APLF: variants seen among roughly 807,000 people sequenced by gnomAD.
APLF encodes aprataxin and PNKP like factor, also known as aprataxin and PNK-like factor.
In APLF, 61 loss-of-function variants were observed where a neutral mutation model predicts 55.6. The ratio of observed to expected loss-of-function variants is 1.10; its 90% CI spans 0.89 to 1.36. The LOEUF is 1.36. APLF is among the 40% of genes most tolerant of loss of function. The pLI is 0.00. For missense variants in APLF, 611 were observed against 602.5 expected (o/e 1.01, Z -0.15); for synonymous variants, 207 against 214.8 (o/e 0.96, Z 0.32).
At chr2:68,501,650 G>T (rs1203335047) in intron 2 of APLF, among the ~76,000 whole-genome samples, 1 of 152,064 alleles carries the variant, frequency 6.6e-6, no homozygotes, top group Non-Finnish European at 1.5e-5. Context: ...GGAAATAGTG[G>T]CAAACATAAT....
At chr2:68,497,241 A>G (rs1374524454) in intron 2 of APLF, among the ~76,000 whole-genome samples, 1 of 152,150 alleles carries the variant, frequency 6.6e-6, no homozygotes, top group East Asian at 1.9e-4. Flanking sequence ...TGAAAGCAGG[A>G]GCAAGCGAGA....
In APLF at chr2:68,544,790, G is replaced by A. The variant is rs556799260; in HGVS notation, c.1161-397G>A. Among the ~76,000 whole-genome samples, 10 of 152,170 alleles carry A rather than the reference G, an allele frequency of 6.6e-5. No individual in the cohort carries two copies. The South Asian group carries it at 1.2e-3, about 19-fold the overall frequency. Reference sequence around the variant, plus strand: ...GGGACCTTTCTAGGATGTTGGAAACGTTCTGTTTTTTATCTTAGCAGAGGG... The same window carrying A: ...GGGACCTTTCTAGGATGTTGGAAACATTCTGTTTTTTATCTTAGCAGAGGG... On this transcript the variant is annotated intron_variant, in intron 7 of 9. Transcript: ENST00000303795.
chr2:68,540,771 CGTGTGTGTGT>C (rs1046162460), intron 7 of APLF, among the ~76,000 whole-genome samples: 1 of 148,304 alleles, frequency 6.7e-6, no homozygotes, highest in African/African-American at 2.5e-5. Flanking sequence ...TATGTGCATG[CGTGTGTGTGT>C]GTGTGTATGT....
intron 9 of APLF, chr2:68,568,407 T>C (rs1671365349): frequency 1.3e-6 from 1 of 750,334 alleles, no homozygotes; most frequent in African/African-American, 1.9e-5. Flanking sequence ...ACATTTCTTA[T>C]TGAAACACAC....
chr2:68,545,451 T>A, intron 8 of APLF, 139 bp downstream of exon 8: 1 of 1,073,790 alleles, frequency 9.3e-7, no homozygotes, highest in Admixed American at 2.7e-5. Context: ...GTTTTCATGT[T>A]GGTAATAGGT....
intron 6 of APLF, among the ~76,000 whole-genome samples, chr2:68,530,879 A>G (rs1670234260): frequency 1.4e-5 from 2 of 142,686 alleles, no homozygotes; most frequent in Non-Finnish European, 3.2e-5. Flanking sequence ...CAAGAAGTTA[A>G]AAAAAAATTT....
chr2:68,519,686 A>T (rs1190983988), intron 5 of APLF, among the ~76,000 whole-genome samples: 1 of 150,470 alleles, frequency 6.6e-6, no homozygotes, highest in Non-Finnish European at 1.5e-5. Flanking sequence ...ATGTATATAT[A>T]TATATATTAG....
At chr2:68,494,199 C>T (rs1282453328) in intron 2 of APLF, among the ~76,000 whole-genome samples, 3 of 149,106 alleles carry the variant, frequency 2.0e-5, no homozygotes, top group Admixed American at 2.0e-4. Flanking sequence ...TTGCTTGAAC[C>T]CCAGGGGGAC....
At chr2:68,518,625 TATATAATA>T (rs1488664928) in intron 5 of APLF, among the ~76,000 whole-genome samples, 23 of 121,912 alleles carry the variant, frequency 1.9e-4, no homozygotes, top group Admixed American at 1.9e-3. Context: ...ATATCATGAA[TATATAATA>T]ATATATCATT....
chr2:68,492,145 A>G (rs1227790428), intron 2 of APLF, among the ~76,000 whole-genome samples: 3 of 152,142 alleles, frequency 2.0e-5, no homozygotes, highest in East Asian at 3.8e-4. Context: ...TTGGCTGAAA[A>G]TTATTCAGAT....
At chr2:68,550,483 C>G (rs1281698234) in intron 8 of APLF, among the ~76,000 whole-genome samples, 2 of 152,162 alleles carry the variant, frequency 1.3e-5, no homozygotes, top group African/African-American at 4.8e-5. Context: ...CTGCCCACCT[C>G]AGCCTCCCAA....
intron 2 of APLF, among the ~76,000 whole-genome samples, chr2:68,496,332 T>C (rs1676545787): frequency 6.6e-6 from 1 of 152,172 alleles, no homozygotes; most frequent in African/African-American, 2.4e-5. Context: ...CTCAAGCTCC[T>C]GACCTCAGGT....
At chr2:68,570,444 T>TC (rs1322371591) in intron 9 of APLF, among the ~76,000 whole-genome samples, 6 of 132,728 alleles carry the variant, frequency 4.5e-5, no homozygotes, top group Non-Finnish European at 8.0e-5. Context: ...CCTCCCCCAC[T>TC]CCCCCCACCC....
chr2:68,564,335 A>G (rs552571228), intron 8 of APLF, among the ~76,000 whole-genome samples: 1 of 152,228 alleles, frequency 6.6e-6, no homozygotes, highest in African/African-American at 2.4e-5. Context: ...ACAATCTTGT[A>G]TAGAATCTTT....
At chr2:68,480,091 T>A (rs1675905855) in intron 1 of APLF, among the ~76,000 whole-genome samples, 1 of 152,168 alleles carries the variant, frequency 6.6e-6, no homozygotes, top group African/African-American at 2.4e-5. Context: ...CAGTCAACAG[T>A]AGGCTATTGG....
chr2:68,468,986 A>G (rs1452773175), intron 1 of APLF, among the ~76,000 whole-genome samples: 1 of 99,964 alleles, frequency 1.0e-5, no homozygotes, highest in Non-Finnish European at 2.2e-5. Flanking sequence ...CTGGTCCTAA[A>G]GGGGTGTGTG....
chr2:68,535,987 A>G (rs1349310798), intron 6 of APLF, among the ~76,000 whole-genome samples: 2 of 152,224 alleles, frequency 1.3e-5, no homozygotes, highest in South Asian at 2.1e-4. Flanking sequence ...TCTGTTAGCC[A>G]GTGGATTTGC....
chr2:68,532,986 G>A (rs112190796), intron 6 of APLF, among the ~76,000 whole-genome samples: 1,611 of 152,272 alleles, frequency 0.011, 21 homozygotes, highest in African/African-American at 0.037. Context: ...AGCTACTTGG[G>A]AGGCTGAAGC....
chr2:68,474,764 G>A (rs1178964356), intron 1 of APLF, among the ~76,000 whole-genome samples: 1 of 152,140 alleles, frequency 6.6e-6, no homozygotes, highest in African/African-American at 2.4e-5. Flanking sequence ...TGCCTTCTGG[G>A]TTCAAGAGAT....
Sources: gnomAD v4.1 joint callset for allele counts (sites outside exome capture counted in the v4.1 genomes callset) on GRCh38, gnomAD v4.1.1 for gene constraint, MANE v1.5 for transcripts, NCBI Gene and HGNC (gene_info 2026-07-23, HGNC 2026-07-21) for gene names.